Variants in ABTB3 observed in about 807,000 individuals in gnomAD.
The protein encoded by ABTB3 is ankyrin repeat- and BTB/POZ domain-containing protein 3.
the ABTB3 span, among the ~76,000 whole-genome samples, chr12:107,488,607 T>C: frequency 2.6e-5 from 4 of 151,812 alleles, no homozygotes; most frequent in African/African-American, 9.7e-5. Context: ...CAGGGAGCCA[T>C]TGAAGATTTC....
chr12:107,368,028 T>C, the ABTB3 span, among the ~76,000 whole-genome samples: 1 of 152,212 alleles, frequency 6.6e-6, no homozygotes, highest in Non-Finnish European at 1.5e-5. Context: ...TCTATCCATG[T>C]TGGTTGTACA....
the ABTB3 span, chr12:107,642,235 A>G: frequency 5.4e-6 from 8 of 1,475,356 alleles, no homozygotes; most frequent in Non-Finnish European, 6.6e-6. Context: ...GTTGCCTCAG[A>G]TCCTCAGCCT....
chr12:107,320,208 C>T, the ABTB3 span: 1 of 1,292,282 alleles, frequency 7.7e-7, no homozygotes, highest in Non-Finnish European at 9.9e-7. Flanking sequence ...GGCGGCCGGG[C>T]TGGAGGTAGC....
At chr12:107,442,573 G>A in the ABTB3 span, among the ~76,000 whole-genome samples, 1 of 152,140 alleles carries the variant, frequency 6.6e-6, no homozygotes, top group Non-Finnish European at 1.5e-5. Flanking sequence ...GAGGCTTGTG[G>A]GGCTCTTTCC....
the ABTB3 span, among the ~76,000 whole-genome samples, chr12:107,578,000 G>A: frequency 6.6e-6 from 1 of 151,338 alleles, no homozygotes; most frequent in Non-Finnish European, 1.5e-5. Flanking sequence ...GTGGAACATT[G>A]TTCTCTTAAA....
At chr12:107,464,739 T>C in the ABTB3 span, among the ~76,000 whole-genome samples, 3 of 152,186 alleles carry the variant, frequency 2.0e-5, no homozygotes, top group Non-Finnish European at 4.4e-5. Context: ...CTTATGTATT[T>C]GAGCAAGGAG....
chr12:107,367,739 G>A, the ABTB3 span, among the ~76,000 whole-genome samples: 8 of 151,970 alleles, frequency 5.3e-5, no homozygotes, highest in African/African-American at 1.5e-4. Flanking sequence ...TCCTGAGCTC[G>A]GGCAATCTGC....
the ABTB3 span, among the ~76,000 whole-genome samples, chr12:107,638,435 C>G: frequency 0.15 from 23,525 of 152,116 alleles, 1,992 homozygotes; most frequent in East Asian, 0.25. Context: ...GGGGCTTGGT[C>G]CTGCCCTCAA....
the ABTB3 span, among the ~76,000 whole-genome samples, chr12:107,554,769 A>G: frequency 1.3e-5 from 2 of 152,194 alleles, no homozygotes; most frequent in South Asian, 4.1e-4. Flanking sequence ...CTGCTGGTTC[A>G]GGGACAACAC....
the ABTB3 span, among the ~76,000 whole-genome samples, chr12:107,647,615 G>A: frequency 6.6e-6 from 1 of 152,196 alleles, no homozygotes; most frequent in Admixed American, 6.5e-5. Flanking sequence ...ACTTTCAGAT[G>A]GCCTGGGTGA....
chr12:107,440,922 C>G, the ABTB3 span, among the ~76,000 whole-genome samples: 25 of 152,198 alleles, frequency 1.6e-4, no homozygotes, highest in Admixed American at 1.4e-3. Flanking sequence ...TAGCGTTTCT[C>G]CCATTTTATA....
chr12:107,383,917 A>G, the ABTB3 span, among the ~76,000 whole-genome samples: 2,532 of 152,198 alleles, frequency 0.017, 61 homozygotes, highest in African/African-American at 0.053. Flanking sequence ...GCTTCCAGGG[A>G]GCTGTGTAAG....
the ABTB3 span, among the ~76,000 whole-genome samples, chr12:107,442,598 CCTTT>C: frequency 6.6e-6 from 1 of 152,102 alleles, no homozygotes; most frequent in African/African-American, 2.4e-5. Context: ...CTCCATTTTT[CCTTT>C]CTTTCCCTTC....
chr12:107,603,055 T>A, the ABTB3 span, among the ~76,000 whole-genome samples: 4 of 152,210 alleles, frequency 2.6e-5, no homozygotes, highest in Non-Finnish European at 4.4e-5. Flanking sequence ...GGTTGCCTTC[T>A]AGTGATGCCC....
At chr12:107,439,476 G>A in the ABTB3 span, among the ~76,000 whole-genome samples, 3,423 of 152,162 alleles carry the variant, frequency 0.022, 132 homozygotes, top group African/African-American at 0.077. Context: ...TGGATGCCGA[G>A]CCCATCTGTG....
the ABTB3 span, among the ~76,000 whole-genome samples, chr12:107,398,223 C>A: frequency 6.6e-6 from 1 of 152,164 alleles, no homozygotes; most frequent in Non-Finnish European, 1.5e-5. Flanking sequence ...GGGCCAGACG[C>A]CACACCACCC....
chr12:107,380,537 A>C, the ABTB3 span, among the ~76,000 whole-genome samples: 1 of 152,144 alleles, frequency 6.6e-6, no homozygotes, highest in African/African-American at 2.4e-5. Context: ...GTATTTACAG[A>C]TGGGGAAACT....
the ABTB3 span, among the ~76,000 whole-genome samples, chr12:107,464,858 T>C: frequency 2.0e-5 from 3 of 152,016 alleles, no homozygotes; most frequent in African/African-American, 7.3e-5. Context: ...ATGGCATAGC[T>C]GGGGAGAGAG....
the ABTB3 span, among the ~76,000 whole-genome samples, chr12:107,376,137 C>T: frequency 6.6e-6 from 1 of 152,174 alleles, no homozygotes; most frequent in African/African-American, 2.4e-5. Context: ...CTCCCCTCCT[C>T]GAAGATGCCC....
Sources: allele counts gnomAD v4.1 joint callset (sites outside exome capture counted in the v4.1 genomes callset), GRCh38; gene constraint gnomAD v4.1.1; transcripts MANE v1.5; gene names NCBI Gene and HGNC (gene_info 2026-07-23, HGNC 2026-07-21).